DIAPH2: variants seen among roughly 807,000 people sequenced by gnomAD.
DIAPH2 encodes protein diaphanous homolog 2.
In DIAPH2, 35 loss-of-function variants were observed where a neutral mutation model predicts 92.7. The ratio of observed to expected loss-of-function variants is 0.38; its 90% CI spans 0.29 to 0.50. The LOEUF is 0.50. Ranked by LOEUF, DIAPH2 falls within the 20% of genes least tolerant of loss-of-function variation. The pLI, the probability that DIAPH2 is intolerant of heterozygous loss-of-function variation, is 0.94. For synonymous variants in DIAPH2, 301 were observed against 280.4 expected, an observed-to-expected ratio of 1.07 and a Z score of -0.73; for missense variants, 701 against 819.5, an observed-to-expected ratio of 0.86 and a Z score of 1.77.
At chrX:97,475,011 GTTC>G (rs1379281726) in intron 26 of DIAPH2, among the ~76,000 whole-genome samples, 1 of 108,452 alleles carries the variant, frequency 9.2e-6, no homozygotes, top group Non-Finnish European at 1.9e-5. Flanking sequence ...GTTTAATCTA[GTTC>G]TTCTAATTAA....
intron 17 of DIAPH2, among the ~76,000 whole-genome samples, chrX:96,984,699 C>G (rs2066019883): frequency 9.0e-6 from 1 of 111,192 alleles, no homozygotes; most frequent in African/African-American, 3.3e-5. Context: ...TGTGGTCATT[C>G]TGTTGACTGG....
chrX:97,518,498 ATGTG>A (rs1011690190), intron 26 of DIAPH2, among the ~76,000 whole-genome samples: 5 of 109,523 alleles, frequency 4.6e-5, no homozygotes, highest in African/African-American at 1.7e-4. Context: ...ATATGTATGT[ATGTG>A]TGTGTATGTG....
intron 1 of DIAPH2, among the ~76,000 whole-genome samples, chrX:96,703,779 A>G (rs1424031057): frequency 2.7e-5 from 3 of 112,234 alleles, no homozygotes; most frequent in South Asian, 3.7e-4. Flanking sequence ...CCGTTTGCAT[A>G]TATCAATCCC....
intron 22 of DIAPH2, among the ~76,000 whole-genome samples, chrX:97,185,259 C>A (rs1429572393): frequency 1.2e-5 from 1 of 81,769 alleles, no homozygotes; most frequent in Non-Finnish European, 2.3e-5. Flanking sequence ...AAAATTGCAC[C>A]ACTGCACTCT....
intron 23 of DIAPH2, among the ~76,000 whole-genome samples, chrX:97,275,759 TGGC>T (rs772436209): frequency 3.0e-4 from 31 of 104,849 alleles, no homozygotes; most frequent in Non-Finnish European, 4.1e-4. Context: ...CTAGACGGGA[TGGC>T]GGCCGGGAAG....
At chrX:97,374,484 G>A (rs988313515) in intron 24 of DIAPH2, among the ~76,000 whole-genome samples, 2 of 112,015 alleles carry the variant, frequency 1.8e-5, no homozygotes, top group African/African-American at 3.2e-5. Context: ...TGTTGCAATC[G>A]TAGTTGATTG....
rs142557684 is a variant in DIAPH2 at position 97,336,193 on chromosome X, T to C, written c.2845-11923T>C. ...ACAAGTCTATTAAGTCTCCCAAATA[T>C]ACATTCTTATAACAACTTAAGCTTT... is the stretch of plus-strand genomic sequence containing the variant. On this transcript the variant is annotated intron_variant, in intron 23 of 26. Coordinates refer to ENST00000324765, the MANE Select transcript of DIAPH2 (RefSeq NM_006729.5). Among the ~76,000 whole-genome samples the C allele has an allele frequency of 6.9e-3, 763 of 110,254 alleles. 9 individuals carry two copies. The highest frequency in any genetic ancestry group is 0.024 in the African/African-American group (735 of 30,382).
chrX:97,318,833 C>A (rs2068865571), intron 23 of DIAPH2, among the ~76,000 whole-genome samples: 1 of 111,090 alleles, frequency 9.0e-6, no homozygotes, highest in Admixed American at 9.7e-5. Flanking sequence ...CTAAACATCA[C>A]CCAAAATTGG....
At chrX:97,134,619 A>G (rs2147401078) in intron 21 of DIAPH2, among the ~76,000 whole-genome samples, 1 of 111,399 alleles carries the variant, frequency 9.0e-6, no homozygotes, top group African/African-American at 3.3e-5. Flanking sequence ...TGCATTTCTA[A>G]CAAGTTCCCA....
intron 1 of DIAPH2, among the ~76,000 whole-genome samples, chrX:96,696,694 G>A (rs2063827088): frequency 8.9e-6 from 1 of 111,964 alleles, no homozygotes; most frequent in Admixed American, 9.5e-5. Context: ...TTGGGAGGAT[G>A]CTTTGGTTCA....
chrX:97,483,526 A>C (rs1467216668), intron 26 of DIAPH2, among the ~76,000 whole-genome samples: 3 of 112,335 alleles, frequency 2.7e-5, no homozygotes, highest in Non-Finnish European at 5.6e-5. Flanking sequence ...GATAAAAGAC[A>C]TAGCTGTCAA....
intron 17 of DIAPH2, among the ~76,000 whole-genome samples, chrX:96,973,726 G>A (rs1328365686): frequency 1.3e-4 from 10 of 74,088 alleles, no homozygotes; most frequent in Non-Finnish European, 1.2e-4. Context: ...ATAGAGTTTC[G>A]CTCTTGTTGC....
intron 17 of DIAPH2, among the ~76,000 whole-genome samples, chrX:97,001,628 A>C (rs1333055147): frequency 9.0e-6 from 1 of 111,679 alleles, no homozygotes; most frequent in East Asian, 2.8e-4. Context: ...CCCGGGCAAC[A>C]ATGTGAGACT....
At chrX:97,160,539 G>T (rs1185073329) in intron 22 of DIAPH2, among the ~76,000 whole-genome samples, 2 of 111,069 alleles carry the variant, frequency 1.8e-5, no homozygotes, top group East Asian at 5.6e-4. Context: ...TATATATATT[G>T]CTAAGGCATA....
chrX:96,865,134 CA>C (rs1389161926), intron 4 of DIAPH2, among the ~76,000 whole-genome samples: 1 of 111,903 alleles, frequency 8.9e-6, no homozygotes, highest in East Asian at 2.8e-4. Context: ...GAAGAATAAA[CA>C]AAGAAAATAC....
chrX:96,905,975 A>C (rs2065430710), intron 5 of DIAPH2, among the ~76,000 whole-genome samples: 1 of 111,734 alleles, frequency 8.9e-6, no homozygotes, highest in Non-Finnish European at 1.9e-5. Flanking sequence ...TAAAAATACA[A>C]AAAATTAGCC....
At chrX:97,475,754 A>T (rs543046777) in intron 26 of DIAPH2, among the ~76,000 whole-genome samples, 214 of 112,193 alleles carry the variant, frequency 1.9e-3, no homozygotes, top group African/African-American at 6.7e-3. Context: ...TGTATAGGTG[A>T]TATGGCAACC....
intron 22 of DIAPH2, among the ~76,000 whole-genome samples, chrX:97,174,359 C>A (rs1227024348): frequency 9.0e-6 from 1 of 110,876 alleles, no homozygotes; most frequent in Non-Finnish European, 1.9e-5. Context: ...GAAATTAAGT[C>A]TTAGGACACA....
At chrX:96,939,560 A>G (rs747128691) in intron 12 of DIAPH2, among the ~76,000 whole-genome samples, 178 bp downstream of exon 12, 3 of 63,898 alleles carry the variant, frequency 4.7e-5, no homozygotes, top group East Asian at 4.6e-4. Context: ...ATATGTATAT[A>G]TATATATGTG....
Sources: allele counts gnomAD v4.1 joint callset (sites outside exome capture counted in the v4.1 genomes callset), GRCh38; gene constraint gnomAD v4.1.1; transcripts MANE v1.5; gene names NCBI Gene and HGNC (gene_info 2026-07-23, HGNC 2026-07-21).